Variants in GRIK2 observed in about 807,000 individuals in gnomAD.
The protein encoded by GRIK2 is glutamate ionotropic receptor kainate type subunit 2, also known as glutamate receptor ionotropic, kainate 2.
In GRIK2, 32 loss-of-function variants were observed where a neutral mutation model predicts 100.3. The observed-to-expected ratio is 0.32, with a 90% CI of 0.24 to 0.43. The LOEUF (loss-of-function observed/expected upper bound fraction) is 0.43, where lower values mean the gene tolerates loss of function less well. Among genes scored for constraint, GRIK2 ranks in the 20% least tolerant of loss-of-function variants. GRIK2 has a pLI of 1.00. For synonymous variants in GRIK2, 417 were observed against 389.4 expected (o/e 1.07, Z -0.83); for missense variants, 843 against 1,114.9 (o/e 0.76, Z 3.47).
chr6:101,664,936 T>G (rs1263906356), intron 4 of GRIK2, among the ~76,000 whole-genome samples: 1 of 152,050 alleles, frequency 6.6e-6, no homozygotes, highest in African/African-American at 2.4e-5. Context: ...ATGAGAACAG[T>G]ATAGAAAAAC....
At chr6:101,584,143 G>A (rs894003655) in intron 2 of GRIK2, among the ~76,000 whole-genome samples, 2 of 151,904 alleles carry the variant, frequency 1.3e-5, no homozygotes, top group Non-Finnish European at 1.5e-5. Flanking sequence ...AAATGAATTT[G>A]TATTTATAAG....
chr6:101,590,607 A>T (rs1251025385), intron 2 of GRIK2, among the ~76,000 whole-genome samples: 2 of 151,942 alleles, frequency 1.3e-5, no homozygotes, highest in Non-Finnish European at 2.9e-5. Flanking sequence ...CTTTCAGCAC[A>T]CCAGCTCTGA....
At chr6:101,659,221 T>A (rs1388030312) in intron 4 of GRIK2, among the ~76,000 whole-genome samples, 1 of 152,224 alleles carries the variant, frequency 6.6e-6, no homozygotes, top group African/African-American at 2.4e-5. Context: ...AGATTCAGTT[T>A]TCTGCATATG....
chr6:101,766,919 A>C lies in GRIK2; in HGVS notation c.952-32729A>C, dbSNP rs540596369. On this transcript the variant is annotated intron_variant, in intron 7 of 16. Coordinates refer to ENST00000369134, the MANE Select transcript of GRIK2 (RefSeq NM_021956.5). Reference sequence around the variant, plus strand: ...CTCCTGACACAGTAGATAAGATGGCATGCATGGCTGGTGTTTGTAGGTGTC... The same window carrying C: ...CTCCTGACACAGTAGATAAGATGGCCTGCATGGCTGGTGTTTGTAGGTGTC... Among the ~76,000 whole-genome samples, 5 of 152,340 alleles carry C rather than the reference A, an allele frequency of 3.3e-5. No homozygotes were observed. The East Asian group carries it at 9.7e-4, about 29-fold the overall frequency.
At chr6:101,429,264 G>A (rs1769238704) in intron 2 of GRIK2, among the ~76,000 whole-genome samples, 1 of 152,158 alleles carries the variant, frequency 6.6e-6, no homozygotes, top group African/African-American at 2.4e-5. Flanking sequence ...CACGTTCAGA[G>A]GGGAATCAAA....
chr6:101,899,102 G>A (rs374443762), intron 12 of GRIK2, among the ~76,000 whole-genome samples: 3 of 130,204 alleles, frequency 2.3e-5, no homozygotes, highest in Non-Finnish European at 1.7e-5. Flanking sequence ...TGTTGTTTTT[G>A]TTTTTTTTTT....
At chr6:101,563,891 A>G (rs1261529037) in intron 2 of GRIK2, among the ~76,000 whole-genome samples, 1 of 152,186 alleles carries the variant, frequency 6.6e-6, no homozygotes, top group Non-Finnish European at 1.5e-5. Flanking sequence ...AAAACAAAAA[A>G]AAATAAGCTT....
intron 12 of GRIK2, among the ~76,000 whole-genome samples, chr6:101,919,893 A>G: frequency 6.6e-6 from 1 of 151,962 alleles, no homozygotes; most frequent in Middle Eastern, 3.2e-3. Context: ...GTGTAAAGAT[A>G]TAGGAGAATA....
At chr6:101,939,766 A>G (rs1156764195) in intron 14 of GRIK2, among the ~76,000 whole-genome samples, 1 of 152,116 alleles carries the variant, frequency 6.6e-6, no homozygotes, top group Non-Finnish European at 1.5e-5. Context: ...TTCTCTTTCA[A>G]AACCAGAAAA....
At chr6:101,812,269 T>C (rs1646032188) in intron 9 of GRIK2, among the ~76,000 whole-genome samples, 1 of 151,718 alleles carries the variant, frequency 6.6e-6, no homozygotes, top group Non-Finnish European at 1.5e-5. Flanking sequence ...AGTCTGAAAG[T>C]TTTTATCATG....
intron 2 of GRIK2, among the ~76,000 whole-genome samples, chr6:101,529,626 A>G (rs1346491996): frequency 2.0e-5 from 3 of 152,108 alleles, no homozygotes; most frequent in Admixed American, 6.6e-5. Flanking sequence ...AATGTTTATA[A>G]TGTGCGAGGC....
At chr6:101,711,013 G>T (rs1203981793) in intron 7 of GRIK2, among the ~76,000 whole-genome samples, 2 of 151,708 alleles carry the variant, frequency 1.3e-5, no homozygotes, top group Admixed American at 6.6e-5. Flanking sequence ...TGCTGAAGTG[G>T]CTGTGTGGAT....
intron 2 of GRIK2, among the ~76,000 whole-genome samples, chr6:101,572,516 A>G (rs1777586030): frequency 6.6e-6 from 1 of 152,114 alleles, no homozygotes; most frequent in Non-Finnish European, 1.5e-5. Flanking sequence ...GGGAACAAAT[A>G]AAAGTAGAAT....
chr6:101,970,811 G>A (rs964777910), intron 14 of GRIK2, among the ~76,000 whole-genome samples: 1 of 150,700 alleles, frequency 6.6e-6, no homozygotes, highest in Non-Finnish European at 1.5e-5. Flanking sequence ...CCTGCCTCCT[G>A]AGTCAAGTCC....
chr6:101,568,132 C>T (rs1453149408), intron 2 of GRIK2, among the ~76,000 whole-genome samples: 2 of 151,758 alleles, frequency 1.3e-5, no homozygotes, highest in Non-Finnish European at 2.9e-5. Flanking sequence ...GCTTTTTTGT[C>T]AAATTAATAA....
At chr6:101,704,598 A>G (rs1773126266) in intron 7 of GRIK2, among the ~76,000 whole-genome samples, 1 of 151,722 alleles carries the variant, frequency 6.6e-6, no homozygotes, top group South Asian at 2.1e-4. Context: ...TTGTTTAACA[A>G]TTTAAATAGA....
intron 4 of GRIK2, among the ~76,000 whole-genome samples, chr6:101,659,148 TC>T (rs1446019991): frequency 2.6e-5 from 4 of 152,240 alleles, no homozygotes; most frequent in African/African-American, 9.6e-5. Flanking sequence ...TGGTTTTAAA[TC>T]TTATGTTTAA....
At chr6:101,581,759 A>T (rs1778109600) in intron 2 of GRIK2, among the ~76,000 whole-genome samples, 1 of 152,164 alleles carries the variant, frequency 6.6e-6, no homozygotes, top group African/African-American at 2.4e-5. Context: ...TTAATGGCAT[A>T]AACTCTTAGA....
intron 15 of GRIK2, among the ~76,000 whole-genome samples, chr6:102,043,593 A>AT (rs1462689270): frequency 2.0e-5 from 3 of 151,776 alleles, no homozygotes; most frequent in Non-Finnish European, 4.4e-5. Flanking sequence ...GAATTTCATT[A>AT]TTTTTTAGGG....
Sources: gnomAD v4.1 joint callset for allele counts (sites outside exome capture counted in the v4.1 genomes callset) on GRCh38, gnomAD v4.1.1 for gene constraint, MANE v1.5 for transcripts, NCBI Gene and HGNC (gene_info 2026-07-23, HGNC 2026-07-21) for gene names.